The following RBMS3 variants were observed in gnomAD, a reference collection of about 807,000 sequenced individuals.
RBMS3 encodes the protein RNA binding motif single stranded interacting protein 3, also known as RNA-binding motif, single-stranded-interacting protein 3.
A neutral mutation model predicts 66.8 loss-of-function variants in RBMS3; 27 were observed. The ratio of observed to expected loss-of-function variants is 0.40; its 90% confidence interval spans 0.30 to 0.56. RBMS3 has a LOEUF of 0.56. RBMS3 is among the 20% of genes least tolerant of loss of function. RBMS3 has a pLI of 0.40. For missense variants in RBMS3, 513 were observed against 549.5 expected, an observed-to-expected ratio of 0.93 and a Z score of 0.66; for synonymous variants, 188 against 183.0, an observed-to-expected ratio of 1.03 and a Z score of -0.22.
chr3:29,475,762 G>T (rs1559393010), intron 2 of RBMS3, among the ~76,000 whole-genome samples: 1 of 152,146 alleles, frequency 6.6e-6, no homozygotes, highest in Non-Finnish European at 1.5e-5. Flanking sequence ...GATATTTCAA[G>T]AAAGTATGAA....
intron 12 of RBMS3, 123 bp downstream of exon 12, chr3:29,944,377 C>T (rs2149704676): frequency 2.6e-6 from 2 of 768,858 alleles, no homozygotes; most frequent in South Asian, 1.6e-5. Context: ...ATTTGAATTC[C>T]AGTTTGCAAG....
intron 3 of RBMS3, among the ~76,000 whole-genome samples, chr3:29,563,982 T>C (rs2149053536): frequency 7.1e-6 from 1 of 141,192 alleles, no homozygotes; most frequent in South Asian, 2.2e-4. Context: ...ACACCACTGC[T>C]CTCAACAGTG....
At position 29,330,508 on chromosome 3, in the gene RBMS3, G is replaced by A. The variant is rs142225781; in HGVS notation, c.75+48752G>A. ...AGCTCATCCCCTTTTCTGGAATAGC[G>A]GGATAGCTTATTATTGTCTATAAAA... On this transcript the variant is annotated intron_variant, in intron 1 of 14. Transcript: ENST00000383767. Among the ~76,000 whole-genome samples the A allele has an allele frequency of 4.4e-4, 61 of 137,532 alleles. 1 individual carries two copies. The highest frequency in any genetic ancestry group is 1.6e-3 in the African/African-American group (55 of 34,930). 90.2% of individuals were successfully genotyped at this position (137,532 alleles called of 152,430 possible). A position where few individuals can be genotyped will look rare whatever the true frequency, so the allele number is the denominator to read the frequency against.
intron 1 of RBMS3, among the ~76,000 whole-genome samples, chr3:29,284,503 A>T (rs1429222121): frequency 6.6e-6 from 1 of 152,176 alleles, no homozygotes; most frequent in Non-Finnish European, 1.5e-5. Flanking sequence ...ATGATAAAAC[A>T]AAATGAAAAT....
chr3:29,437,196 A>G (rs1273202077), intron 2 of RBMS3, among the ~76,000 whole-genome samples: 2 of 152,214 alleles, frequency 1.3e-5, no homozygotes, highest in Non-Finnish European at 2.9e-5. Flanking sequence ...GGGAGTATTT[A>G]TAACACAGGA....
chr3:29,979,927 T>A (rs920328463), intron 12 of RBMS3, among the ~76,000 whole-genome samples: 5 of 152,336 alleles, frequency 3.3e-5, no homozygotes, highest in African/African-American at 1.2e-4. Context: ...GTAGAAAGAT[T>A]TATAATCCTT....
At chr3:29,775,963 T>C (rs1363194633) in intron 6 of RBMS3, among the ~76,000 whole-genome samples, 1 of 152,022 alleles carries the variant, frequency 6.6e-6, no homozygotes, top group African/African-American at 2.4e-5. Flanking sequence ...TAGTCATCTT[T>C]TGTAACTAGT....
At chr3:29,885,807 A>G (rs1361661068) in intron 8 of RBMS3, among the ~76,000 whole-genome samples, 1 of 151,872 alleles carries the variant, frequency 6.6e-6, no homozygotes, top group African/African-American at 2.4e-5. Flanking sequence ...ATGTATATAC[A>G]TATCTACCTG....
At chr3:29,727,400 A>G (rs1219798999) in intron 4 of RBMS3, among the ~76,000 whole-genome samples, 1 of 152,204 alleles carries the variant, frequency 6.6e-6, no homozygotes, top group African/African-American at 2.4e-5. Flanking sequence ...TCTGCACAGC[A>G]AAAGAAACTA....
chr3:29,369,795 C>T (rs776410015), intron 1 of RBMS3, among the ~76,000 whole-genome samples: 3 of 151,852 alleles, frequency 2.0e-5, no homozygotes, highest in Non-Finnish European at 4.4e-5. Context: ...AAAGAGGTCC[C>T]AAATTGGTGA....
intron 12 of RBMS3, among the ~76,000 whole-genome samples, chr3:29,961,273 C>T (rs567722191): frequency 3.9e-5 from 6 of 152,262 alleles, no homozygotes; most frequent in East Asian, 1.9e-4. Flanking sequence ...TTCTTATCTC[C>T]GTCTGAGACC....
At chr3:29,624,310 G>T (rs2149162270) in intron 4 of RBMS3, among the ~76,000 whole-genome samples, 1 of 152,142 alleles carries the variant, frequency 6.6e-6, no homozygotes, top group East Asian at 1.9e-4. Flanking sequence ...CCAAAACTTT[G>T]AAAAAACAAA....
At chr3:29,419,720 T>A (rs1164220308) in intron 1 of RBMS3, among the ~76,000 whole-genome samples, 2 of 152,178 alleles carry the variant, frequency 1.3e-5, no homozygotes, top group African/African-American at 2.4e-5. Flanking sequence ...GCCAAAGTGT[T>A]GGGTTCCATA....
At chr3:29,304,592 A>G (rs1257683633) in intron 1 of RBMS3, among the ~76,000 whole-genome samples, 2 of 151,986 alleles carry the variant, frequency 1.3e-5, no homozygotes, top group Non-Finnish European at 2.9e-5. Flanking sequence ...TCGTCCATGT[A>G]TGGGAATGTT....
At chr3:29,613,624 A>G (rs1166643830) in intron 4 of RBMS3, among the ~76,000 whole-genome samples, 4 of 152,176 alleles carry the variant, frequency 2.6e-5, no homozygotes, top group Non-Finnish European at 5.9e-5. Context: ...CAAAATATAT[A>G]AGAAGCTCAA....
intron 6 of RBMS3, among the ~76,000 whole-genome samples, chr3:29,831,841 C>T (rs2058376590): frequency 6.6e-6 from 1 of 150,528 alleles, no homozygotes; most frequent in African/African-American, 2.4e-5. Flanking sequence ...TATTCACCCT[C>T]AATTTCTGAG....
chr3:29,777,894 G>A (rs997268167), intron 6 of RBMS3, among the ~76,000 whole-genome samples: 13 of 151,804 alleles, frequency 8.6e-5, no homozygotes, highest in African/African-American at 2.9e-4. Context: ...TCCTGTCCTT[G>A]TAGTACATTG....
At position 29,578,790 on chromosome 3, in the gene RBMS3, C is replaced by CTT. The variant is rs1185861167; in HGVS notation, c.308-8303_308-8302dup. The stretch of plus-strand genomic sequence containing the variant: ...AAAGAATCACAGGTAATACATGCTT[C>CTT]TTTTTTTTTTTTTTTTTTTTTTGAG... On this transcript the variant is annotated intron_variant, in intron 3 of 14. Transcript: ENST00000383767. 2.0e-3 allele frequency among the ~76,000 whole-genome samples: 199 copies of CTT among 101,014 alleles called. 1 individual carries two copies. Among genetic ancestry groups the CTT allele is most frequent in the Non-Finnish European group, 2.3e-3 (126 of 54,174 alleles). 66.3% of individuals were successfully genotyped at this position (101,014 alleles called of 152,430 possible). A position where few individuals can be genotyped will look rare whatever the true frequency, so the allele number is the denominator to read the frequency against.
chr3:29,786,792 A>G (rs1404170433), intron 6 of RBMS3, among the ~76,000 whole-genome samples: 5 of 152,206 alleles, frequency 3.3e-5, no homozygotes, highest in Non-Finnish European at 5.9e-5. Flanking sequence ...CAAGTACTTT[A>G]TGACCAAGAA....
Sources: allele counts gnomAD v4.1 joint callset (sites outside exome capture counted in the v4.1 genomes callset), GRCh38; gene constraint gnomAD v4.1.1; transcripts MANE v1.5; gene names NCBI Gene and HGNC (gene_info 2026-07-23, HGNC 2026-07-21).